Variants in CEBPG observed in about 807,000 individuals in gnomAD.
The protein encoded by CEBPG is CCAAT enhancer binding protein gamma.
In CEBPG, 6 loss-of-function variants were observed where a neutral mutation model predicts 11.1. That is an observed-to-expected ratio of 0.54 (90% CI 0.30 to 1.07). CEBPG has a LOEUF of 1.07. Ranked by LOEUF, CEBPG falls within the 50% of genes least tolerant of loss-of-function variation. The probability of loss-of-function intolerance (pLI) is 0.07; values close to 1 mark genes in which losing one functional copy is unlikely to be tolerated. For missense variants in CEBPG, 161 were observed against 187.4 expected, an observed-to-expected ratio of 0.86 and a Z score of 0.82; for synonymous variants, 66 against 71.0, an observed-to-expected ratio of 0.93 and a Z score of 0.36.
rs1423534873 is a variant in CEBPG at position 33,379,670 on chromosome 19, A to G, written c.431A>G (p.Asp144Gly). ...ATTAGCACTGAAAATACGACAGCAG[A>G]TGGCGACAATGCAGGACAGTAGACC... The part of the protein sequence containing the change: ...QSISTENTTA[D>G]GDNAGQ Residue 144 changes from aspartate (D) to glycine (G), a missense_variant, in exon 2 of 2, where the codon GAT (aspartate) becomes GGT (glycine). Asp to Gly is a moderately conservative substitution (Grantham distance 94). Transcript: ENST00000284000. 2 of 1,612,388 alleles carry G rather than the reference A, an allele frequency of 1.2e-6. No individual in the cohort carries two copies. Among genetic ancestry groups the G allele is most frequent in the Non-Finnish European group, 1.7e-6 (2 of 1,178,818 alleles).
At chr19:33,374,107 G>GAGCT (rs1053823776) in intron 1 of CEBPG, among the ~76,000 whole-genome samples, 2 of 149,734 alleles carry the variant, frequency 1.3e-5, no homozygotes, top group Non-Finnish European at 3.0e-5. Flanking sequence ...CGGGGACGCT[G>GAGCT]AGCTCATTCC....
chr19:33,379,861 C>A lies in CEBPG; in HGVS notation c.*169C>A. 1.8e-6 allele frequency: 1 copy of A among 569,448 alleles called. No homozygotes were observed. The highest frequency in any genetic ancestry group is 3.0e-6 in the Non-Finnish European group (1 of 330,516). 35.3% of individuals were successfully genotyped at this position (569,448 alleles called of 1,614,324 possible). ...GAGTTGATTAGCTAAAAATGTTAGC[C>A]TTGTAATTCGAATATCTGGTTTTAA... is the stretch of plus-strand genomic sequence containing the variant. On this transcript the variant is annotated 3_prime_UTR_variant, in exon 2 of 2. Transcript: ENST00000284000.
Position 33,382,530 on chromosome 19 carries a change from C to T in CEBPG, c.*2838C>T, listed in dbSNP as rs935054769. 8 of 167,078 alleles carry T rather than the reference C, an allele frequency of 4.8e-5. No individual in the cohort carries two copies. Among genetic ancestry groups the T allele is most frequent in the African/African-American group, 1.9e-4 (8 of 41,444 alleles). The allele number at this position is 167,078 out of a possible 1,614,324, so 10.3% of individuals were successfully genotyped here. ...TCACAAAAGCTGGGAAGGAAGAAGT[C>T]CATTCTGCAGCTGTTAGATCTGCCT... On this transcript the variant is annotated 3_prime_UTR_variant, in exon 2 of 2. Coordinates refer to ENST00000284000, the MANE Select transcript of CEBPG (RefSeq NM_001806.4).
chr19:33,376,651 G>A (rs1967915570), intron 1 of CEBPG, among the ~76,000 whole-genome samples: 1 of 152,188 alleles, frequency 6.6e-6, no homozygotes, highest in Admixed American at 6.5e-5. Context: ...TTTCCTCCTT[G>A]AGTGATTCAC....
At chr19:33,377,086 A>G (rs1967920428) in intron 1 of CEBPG, among the ~76,000 whole-genome samples, 1 of 152,218 alleles carries the variant, frequency 6.6e-6, no homozygotes, top group African/African-American at 2.4e-5. Context: ...ACCTTGCAAG[A>G]TGAGTCAGGC....
chr19:33,376,603 C>T (rs1752394858), intron 1 of CEBPG, among the ~76,000 whole-genome samples: 1 of 152,154 alleles, frequency 6.6e-6, no homozygotes, highest in African/African-American at 2.4e-5. Context: ...GTCCAGGGAC[C>T]ACACTTTGAG....
Position 33,379,588 on chromosome 19 carries a change from G to C in CEBPG, c.349G>C (p.Val117Leu). 1.2e-6 allele frequency: 2 copies of C among 1,614,072 alleles called. No homozygotes were observed. The highest frequency in any genetic ancestry group is 1.7e-6 in the Non-Finnish European group (2 of 1,179,984). ...KIKLLTKELS[V>L]LKDLFLEHAH... is the part of the protein sequence containing the mutation. Reference sequence around the variant, plus strand: ...CAAATTGCTGACCAAGGAATTAAGTGTACTCAAAGATTTGTTTCTTGAGCA... The same window carrying C: ...CAAATTGCTGACCAAGGAATTAAGTCTACTCAAAGATTTGTTTCTTGAGCA... Residue 117 changes from valine (V) to leucine (L), a missense_variant, in exon 2 of 2, where the codon GTA becomes CTA. Coordinates refer to ENST00000284000, the MANE Select transcript of CEBPG (RefSeq NM_001806.4).
rs1378101524 is a variant in CEBPG at position 33,381,425 on chromosome 19, C to G, written c.*1733C>G. 3 of 167,014 alleles carry G rather than the reference C, an allele frequency of 1.8e-5. No homozygotes were observed. The highest frequency in any genetic ancestry group is 7.2e-5 in the African/African-American group (3 of 41,438). 10.3% of individuals were successfully genotyped at this position (167,014 alleles called of 1,614,324 possible). ...AACTGGAGCCCAGGAGAAGCTGTCC[C>G]AGGAGGGCTGTTAACTCCCTATAGA... On this transcript the variant is annotated 3_prime_UTR_variant, in exon 2 of 2. Coordinates refer to ENST00000284000, the MANE Select transcript of CEBPG (RefSeq NM_001806.4).
chr19:33,378,349 C>A (rs1393836063), intron 1 of CEBPG, among the ~76,000 whole-genome samples: 1 of 152,180 alleles, frequency 6.6e-6, no homozygotes, highest in Admixed American at 6.5e-5. Context: ...AGCCTGGGTC[C>A]CAGGACCCGC....
At chr19:33,376,097 C>G (rs1967908655) in intron 1 of CEBPG, among the ~76,000 whole-genome samples, 1 of 151,838 alleles carries the variant, frequency 6.6e-6, no homozygotes, top group South Asian at 2.1e-4. Flanking sequence ...TTGTCAAATC[C>G]CAGAGACTAA....
rs772524467 is a variant in CEBPG, at chr19:33,379,640, A to G, written c.401A>G (p.Gln134Arg). ...GCACACAACCTTGCAGACAACGTACAGTCCATTAGCACTGAAAATACGACA... is the reference window on the plus strand; with the variant it reads ...GCACACAACCTTGCAGACAACGTACGGTCCATTAGCACTGAAAATACGACA... ...EHAHNLADNV[Q>R]SISTENTTAD... The change falls in exon 2 of 2, where the codon CAG (glutamine) becomes CGG (arginine). Residue 134 changes from glutamine (Q) to arginine (R), a missense_variant. Physicochemically the swap from Gln to Arg is conservative, Grantham distance 43 (BLOSUM62 1). Transcript: ENST00000284000. The G allele has an allele frequency of 6.2e-7, 1 of 1,614,142 alleles. No individual in the cohort carries two copies. The highest frequency in any genetic ancestry group is 8.5e-7 in the Non-Finnish European group (1 of 1,180,016).
rs139168356 is a variant in CEBPG, at chr19:33,379,253, C to T, written c.14C>T (p.Ser5Leu). Residue 5 changes from serine (S) to leucine (L), a missense_variant, in exon 2 of 2, where the codon TCG becomes TTG. By Grantham distance (145) the Ser-to-Leu change is moderately radical (BLOSUM62 -2). Coordinates refer to ENST00000284000, the MANE Select transcript of CEBPG (RefSeq NM_001806.4). MSKI[S>L]QQNSTPGVNG... is the part of the protein sequence containing the mutation. The stretch of plus-strand genomic sequence containing the variant: ...GAGAGTGCCCAAATGAGCAAGATAT[C>T]GCAGCAAAACAGCACTCCAGGGGTG... The T allele has an allele frequency of 5.2e-6, 8 of 1,541,374 alleles. No homozygotes were observed. The highest frequency in any genetic ancestry group is 2.8e-5 in the African/African-American group (2 of 72,318).
intron 1 of CEBPG, among the ~76,000 whole-genome samples, chr19:33,375,791 AC>A (rs1967904856): frequency 6.6e-6 from 1 of 152,284 alleles, no homozygotes; most frequent in Admixed American, 6.5e-5. Context: ...GAAAGCACAG[AC>A]CATTTAGGAT....
chr19:33,379,071 TAGGTAC>T, intron 1 of CEBPG, 67 bp from the exon 2 acceptor site: 1 of 550,798 alleles, frequency 1.8e-6, no homozygotes, highest in Non-Finnish European at 3.1e-6. Flanking sequence ...GGCCTGATGT[TAGGTAC>T]GTACAAGTTT....
chr19:33,381,052 A>G lies in CEBPG; in HGVS notation c.*1360A>G, dbSNP rs1037766158. 1.8e-5 allele frequency: 3 copies of G among 166,932 alleles called. No homozygotes were observed. The highest frequency in any genetic ancestry group is 6.5e-5 in the Admixed American group (1 of 15,272). The allele number at this position is 166,932 out of a possible 1,614,324, so 10.3% of individuals were successfully genotyped here. ...TTGGTAGTTTAGATTGTCTTTGTCAACGTTTTTTCTTCTCTCTTTTGCTTT... is the reference window on the plus strand; with the variant it reads ...TTGGTAGTTTAGATTGTCTTTGTCAGCGTTTTTTCTTCTCTCTTTTGCTTT... On this transcript the variant is annotated 3_prime_UTR_variant, in exon 2 of 2. Coordinates refer to ENST00000284000, the MANE Select transcript of CEBPG (RefSeq NM_001806.4).
chr19:33,374,904 A>G (rs769519626), intron 1 of CEBPG, among the ~76,000 whole-genome samples: 1 of 152,334 alleles, frequency 6.6e-6, no homozygotes, highest in Non-Finnish European at 1.5e-5. Flanking sequence ...AAATTTTAAA[A>G]GAAAATCCTA....
At position 33,380,989 on chromosome 19, in the gene CEBPG, G is replaced by A. The variant is rs528711140; in HGVS notation, c.*1297G>A. 4 of 167,124 alleles carry A rather than the reference G, an allele frequency of 2.4e-5. No individual in the cohort carries two copies. The highest frequency in any genetic ancestry group is 2.1e-4 in the South Asian group (1 of 4,828). 10.4% of individuals were successfully genotyped at this position (167,124 alleles called of 1,614,324 possible). A position where few individuals can be genotyped will look rare whatever the true frequency, so the allele number is the denominator to read the frequency against. On this transcript the variant is annotated 3_prime_UTR_variant, in exon 2 of 2. Coordinates refer to ENST00000284000, the MANE Select transcript of CEBPG (RefSeq NM_001806.4). ...TTGTTGAGACTAAAAAATGGCAGTC[G>A]CTAAAGTAGGGACTCTAGAGTCTGG...
intron 1 of CEBPG, 76 bp from the exon 2 acceptor site, chr19:33,379,068 T>C: frequency 1.9e-6 from 1 of 537,586 alleles, no homozygotes; most frequent in Non-Finnish European, 3.2e-6. Flanking sequence ...GTTGGCCTGA[T>C]GTTAGGTACG....
chr19:33,378,253 G>C (rs1191200222), intron 1 of CEBPG, among the ~76,000 whole-genome samples: 1 of 152,162 alleles, frequency 6.6e-6, no homozygotes, highest in Admixed American at 6.5e-5. Flanking sequence ...GGATGCTTCA[G>C]AGCTGGTGCG....
Sources: allele counts gnomAD v4.1 joint callset (sites outside exome capture counted in the v4.1 genomes callset), GRCh38; gene constraint gnomAD v4.1.1; transcripts MANE v1.5; gene names NCBI Gene and HGNC (gene_info 2026-07-23, HGNC 2026-07-21).